SLC35D4: variants seen among roughly 807,000 people sequenced by gnomAD.
SLC35D4 encodes UDP-N-acetylglucosamine transporter SLC35D4.
At chr18:23,394,623 C>G in the SLC35D4 span, among the ~76,000 whole-genome samples, 1 of 152,048 alleles carries the variant, frequency 6.6e-6, no homozygotes, top group Non-Finnish European at 1.5e-5. Flanking sequence ...TCCAAGAAAT[C>G]CTTGCCAAAT....
At chr18:23,385,141 C>T in the SLC35D4 span, 2 of 1,456,378 alleles carry the variant, frequency 1.4e-6, no homozygotes, top group Non-Finnish European at 1.9e-6. Flanking sequence ...TGATTTTTTG[C>T]TTAAAAATAA....
At chr18:23,407,362 G>C in the SLC35D4 span, among the ~76,000 whole-genome samples, 10 of 152,110 alleles carry the variant, frequency 6.6e-5, no homozygotes, top group Non-Finnish European at 1.5e-4. Context: ...AAGACTGATA[G>C]ATCTGCCTAC....
chr18:23,287,194 AC>A, the SLC35D4 span, among the ~76,000 whole-genome samples: 4 of 151,530 alleles, frequency 2.6e-5, no homozygotes, highest in Admixed American at 2.0e-4. Flanking sequence ...AGGATCTATG[AC>A]TTATCAACCA....
At chr18:23,258,343 A>G in the SLC35D4 span, 2 of 152,566 alleles carry the variant, frequency 1.3e-5, no homozygotes, top group African/African-American at 4.8e-5. Context: ...GTGTTTTATA[A>G]AAACCCAGAA....
the SLC35D4 span, among the ~76,000 whole-genome samples, chr18:23,374,174 C>A: frequency 6.6e-6 from 1 of 152,190 alleles, no homozygotes; most frequent in Admixed American, 6.5e-5. Context: ...GAAAACACTA[C>A]GGAAATTGCA....
chr18:23,406,334 C>T, the SLC35D4 span, among the ~76,000 whole-genome samples: 26 of 152,158 alleles, frequency 1.7e-4, no homozygotes, highest in Middle Eastern at 3.4e-3. Context: ...ATGTCATGGG[C>T]GGCAGGGGGT....
chr18:23,254,351 G>A, the SLC35D4 span, among the ~76,000 whole-genome samples: 3 of 152,210 alleles, frequency 2.0e-5, no homozygotes, highest in African/African-American at 7.2e-5. Flanking sequence ...GCGTGAGTTT[G>A]ACAAGGTGGT....
chr18:23,253,691 T>TA, the SLC35D4 span: 8 of 1,573,748 alleles, frequency 5.1e-6, 1 homozygote, highest in South Asian at 9.1e-5. Flanking sequence ...AACTCTAAGT[T>TA]TTCACAAGAC....
the SLC35D4 span, among the ~76,000 whole-genome samples, chr18:23,382,014 C>T: frequency 3.3e-5 from 5 of 152,034 alleles, no homozygotes; most frequent in Non-Finnish European, 7.4e-5. Context: ...CTGAGGTGGG[C>T]GGATCATGAG....
the SLC35D4 span, among the ~76,000 whole-genome samples, chr18:23,387,420 A>C: frequency 1.3e-5 from 2 of 152,174 alleles, no homozygotes; most frequent in African/African-American, 4.8e-5. Flanking sequence ...CCCAAATACT[A>C]TAGGTTAAGG....
the SLC35D4 span, among the ~76,000 whole-genome samples, chr18:23,383,043 T>C: frequency 4.6e-5 from 7 of 152,242 alleles, no homozygotes; most frequent in East Asian, 1.4e-3. Context: ...ACTTCGGTGA[T>C]GATGACCAGG....
the SLC35D4 span, among the ~76,000 whole-genome samples, chr18:23,268,799 T>TGTGC: frequency 6.4e-3 from 901 of 140,820 alleles, 11 homozygotes; most frequent in African/African-American, 0.024. Context: ...TGCGTGTGTG[T>TGTGC]GTGCGTGTGT....
At chr18:23,348,299 A>G in the SLC35D4 span, among the ~76,000 whole-genome samples, 3 of 152,318 alleles carry the variant, frequency 2.0e-5, no homozygotes, top group African/African-American at 4.8e-5. Context: ...AAGAATGTGT[A>G]TTCTGAAATC....
the SLC35D4 span, among the ~76,000 whole-genome samples, chr18:23,418,355 T>A: frequency 5.9e-4 from 85 of 144,354 alleles, no homozygotes; most frequent in African/African-American, 2.1e-3. Flanking sequence ...CCAAAATTAT[T>A]ATTATTATTA....
At chr18:23,400,368 A>C in the SLC35D4 span, among the ~76,000 whole-genome samples, 2 of 152,204 alleles carry the variant, frequency 1.3e-5, no homozygotes, top group Non-Finnish European at 2.9e-5. Flanking sequence ...TCAGGCCTGT[A>C]ATCCCAGCAC....
chr18:23,320,626 C>G, the SLC35D4 span, among the ~76,000 whole-genome samples: 1 of 152,212 alleles, frequency 6.6e-6, no homozygotes, highest in Non-Finnish European at 1.5e-5. Context: ...CCCTTTCCCT[C>G]TAACAGGGTG....
the SLC35D4 span, among the ~76,000 whole-genome samples, chr18:23,253,356 G>A: frequency 1.3e-5 from 2 of 152,210 alleles, no homozygotes; most frequent in Non-Finnish European, 2.9e-5. Context: ...GGTGGTGCAC[G>A]CCTGTAAGCA....
At chr18:23,259,118 G>A in the SLC35D4 span, 2 of 152,160 alleles carry the variant, frequency 1.3e-5, no homozygotes, top group African/African-American at 2.4e-5. Flanking sequence ...AATATTCAAG[G>A]TGCCTCCATC....
the SLC35D4 span, among the ~76,000 whole-genome samples, chr18:23,294,700 A>C: frequency 2.6e-5 from 4 of 152,018 alleles, no homozygotes; most frequent in Admixed American, 2.6e-4. Context: ...TTGAAGCTGC[A>C]GTGAGCTGTG....
Sources: gnomAD v4.1 joint callset for allele counts (sites outside exome capture counted in the v4.1 genomes callset) on GRCh38, gnomAD v4.1.1 for gene constraint, MANE v1.5 for transcripts, NCBI Gene and HGNC (gene_info 2026-07-23, HGNC 2026-07-21) for gene names.